The following CRACDL variants were observed in gnomAD, a reference collection of about 807,000 sequenced individuals.
CRACDL encodes the protein CRACD-like protein.
A neutral mutation model predicts 70.6 loss-of-function variants in CRACDL; 26 were observed. That is an observed-to-expected ratio of 0.37 (90% CI 0.27 to 0.51). The LOEUF (loss-of-function observed/expected upper bound fraction) is 0.51, where lower values mean the gene tolerates loss of function less well. Ranked by LOEUF, CRACDL falls within the 20% of genes least tolerant of loss-of-function variation. The pLI is 0.94. For synonymous variants in CRACDL, 618 were observed against 615.2 expected, an observed-to-expected ratio of 1.00 and a Z score of -0.07; for missense variants, 1,283 against 1,376.9, an observed-to-expected ratio of 0.93 and a Z score of 1.08.
chr2:98,930,629 C>T (rs575488433), intron 1 of CRACDL, among the ~76,000 whole-genome samples: 246 of 152,158 alleles, frequency 1.6e-3, no homozygotes, highest in Non-Finnish European at 2.5e-3. Flanking sequence ...ACCCCTCTTC[C>T]GTCCCCTCGC....
At chr2:98,889,702 G>A (rs1707912859) in intron 1 of CRACDL, among the ~76,000 whole-genome samples, 1 of 152,160 alleles carries the variant, frequency 6.6e-6, no homozygotes, top group Non-Finnish European at 1.5e-5. Context: ...AGTAATAGCA[G>A]AATTCACATT....
chr2:98,845,224 G>T (rs559705513), intron 2 of CRACDL, among the ~76,000 whole-genome samples: 2 of 148,234 alleles, frequency 1.3e-5, no homozygotes, highest in Admixed American at 1.4e-4. Context: ...TGGAGGCAGG[G>T]TCTTGCTTGT....
chr2:98,890,533 C>T (rs370888257), intron 1 of CRACDL, among the ~76,000 whole-genome samples: 20 of 152,346 alleles, frequency 1.3e-4, no homozygotes, highest in African/African-American at 4.1e-4. Context: ...AGCCAAGGCT[C>T]AGGTGGCTTC....
intron 7 of CRACDL, among the ~76,000 whole-genome samples, chr2:98,798,443 CAAAAAAAAAAAAAAAAAAAAAA>C (rs70940125): frequency 2.3e-5 from 1 of 44,332 alleles, no homozygotes; most frequent in African/African-American, 8.1e-5. Flanking sequence ...GACTCCGTCT[CAAAAAAAAAAAAAAAAAAAAAA>C]AAAAAAAAAG....
intron 1 of CRACDL, among the ~76,000 whole-genome samples, chr2:98,893,488 G>T (rs991510937): frequency 2.0e-5 from 3 of 152,250 alleles, no homozygotes; most frequent in East Asian, 3.9e-4. Context: ...GTTTCAACAT[G>T]TTAGCCAGGA....
chr2:98,880,926 A>G (rs1406570625), intron 1 of CRACDL, among the ~76,000 whole-genome samples: 1 of 152,182 alleles, frequency 6.6e-6, no homozygotes, highest in East Asian at 1.9e-4. Context: ...TGGCTGAAGG[A>G]GAACTTGCAG....
intron 1 of CRACDL, among the ~76,000 whole-genome samples, chr2:98,931,716 A>G (rs1709084718): frequency 2.0e-5 from 3 of 152,238 alleles, no homozygotes; most frequent in African/African-American, 2.4e-5. Context: ...TACCCAGATC[A>G]TAAGAAAAAT....
chr2:98,833,231 G>A (rs1286793245), intron 3 of CRACDL, among the ~76,000 whole-genome samples: 10 of 152,244 alleles, frequency 6.6e-5, no homozygotes, highest in Non-Finnish European at 1.5e-4. Context: ...AAGGTTGTGT[G>A]AATTATTTTT....
In CRACDL at chr2:98,882,898, T is replaced by C. The variant is rs886652004; in HGVS notation, c.-10-36088A>G. On this transcript the variant is annotated intron_variant, in intron 1 of 9. Transcript: ENST00000397899. The stretch of plus-strand genomic sequence containing the variant: ...CAGTAGAAGCAGCATCTGTTTGTTG[T>C]GGATTCACAGGGTAGAGGGATGACC... Among the ~76,000 whole-genome samples, 9 of 152,332 alleles carry C rather than the reference T, an allele frequency of 5.9e-5. No homozygotes were observed. The East Asian group carries it at 1.7e-3, about 29-fold the overall frequency.
chr2:98,901,299 A>G (rs1228969531), intron 1 of CRACDL, among the ~76,000 whole-genome samples: 1 of 152,240 alleles, frequency 6.6e-6, no homozygotes, highest in Non-Finnish European at 1.5e-5. Flanking sequence ...ACAGTGGGAA[A>G]GTTGCCAGCA....
intron 7 of CRACDL, among the ~76,000 whole-genome samples, chr2:98,802,750 G>A (rs1704130582): frequency 6.6e-6 from 1 of 152,250 alleles, no homozygotes; most frequent in Non-Finnish European, 1.5e-5. Flanking sequence ...CACTAGGGAT[G>A]CAGCTGTTAA....
Position 98,797,494 on chromosome 2 carries a change from C to A in CRACDL, c.2460G>T (p.Gly820=). The A allele has an allele frequency of 6.2e-7, 1 of 1,614,138 alleles. No individual in the cohort carries two copies. The highest frequency in any genetic ancestry group is 8.5e-7 in the Non-Finnish European group (1 of 1,180,038). ...PPAATGPGAD[G]QPAPPWITVT... ...CGGTGATCCAGGGTGGCGCAGGCTG[C>A]CCATCAGCTCCAGGCCCTGTTGCTG... The change falls in exon 8 of 10, where the codon GGG becomes GGT. Residue 820 remains glycine, a synonymous_variant. Transcript: ENST00000397899.
At chr2:98,828,291 C>G (rs548287946) in intron 5 of CRACDL, among the ~76,000 whole-genome samples, 2 of 152,320 alleles carry the variant, frequency 1.3e-5, no homozygotes, top group East Asian at 3.9e-4. Context: ...AGGTGACAGG[C>G]TTTTCGTATA....
At chr2:98,844,343 A>G (rs1706157869) in intron 2 of CRACDL, among the ~76,000 whole-genome samples, 1 of 152,104 alleles carries the variant, frequency 6.6e-6, no homozygotes. Flanking sequence ...ATCTTCAAAC[A>G]TAGTATGCAT....
At chr2:98,804,502 GC>G (rs1704208541) in intron 7 of CRACDL, among the ~76,000 whole-genome samples, 1 of 152,174 alleles carries the variant, frequency 6.6e-6, no homozygotes. Context: ...GCAGTGATGC[GC>G]CGCCTTATTG....
intron 3 of CRACDL, among the ~76,000 whole-genome samples, chr2:98,837,507 T>C (rs1479946851): frequency 1.3e-5 from 2 of 152,316 alleles, no homozygotes; most frequent in Non-Finnish European, 1.5e-5. Context: ...TCGTTTCCTC[T>C]TAGTCACAGG....
Position 98,832,957 on chromosome 2 carries a change from C to T in CRACDL, c.280G>A (p.Asp94Asn), listed in dbSNP as rs767305487. The change falls in exon 4 of 10, where the codon GAC becomes AAC. Residue 94 changes from aspartate to asparagine, a missense_variant. Transcript: ENST00000397899. ...GTLGSRALSH[D>N]SIFIPESGQD... ...CCGGACTCAGGAATGAAAATACTGT[C>T]GTGAGAAAGGGCCCGGCTGCCCAGC... 1.2e-6 allele frequency: 2 copies of T among 1,614,082 alleles called. No homozygotes were observed. Among genetic ancestry groups the T allele is most frequent in the Non-Finnish European group, 1.7e-6 (2 of 1,179,984 alleles).
chr2:98,833,873 G>T (rs552172600), intron 3 of CRACDL, among the ~76,000 whole-genome samples: 15 of 152,294 alleles, frequency 9.8e-5, no homozygotes, highest in African/African-American at 2.9e-4. Flanking sequence ...CCCCTACCCT[G>T]GGCATCCTGT....
At chr2:98,825,022 G>A (rs1705245520) in intron 6 of CRACDL, among the ~76,000 whole-genome samples, 1 of 152,158 alleles carries the variant, frequency 6.6e-6, no homozygotes, top group South Asian at 2.1e-4. Context: ...CAGCAGAGGG[G>A]GCAGCATGGC....
Sources: gnomAD v4.1 joint callset for allele counts (sites outside exome capture counted in the v4.1 genomes callset) on GRCh38, gnomAD v4.1.1 for gene constraint, MANE v1.5 for transcripts, NCBI Gene and HGNC (gene_info 2026-07-23, HGNC 2026-07-21) for gene names.